The following SAXO4 variants were observed in gnomAD, a reference collection of about 807,000 sequenced individuals.
SAXO4 encodes stabilizer of axonemal microtubules 4.
chr11:61,486,657 G>A, the SAXO4 span: 1 of 1,565,154 alleles, frequency 6.4e-7, no homozygotes, highest in Non-Finnish European at 8.8e-7. Context: ...AGACAGGGAG[G>A]TTTCTGGGAA....
chr11:61,485,455 A>C, the SAXO4 span: 2 of 1,511,136 alleles, frequency 1.3e-6, no homozygotes, highest in Non-Finnish European at 1.8e-6. Context: ...CCACCTCCCT[A>C]CTTGCTACCC....
chr11:61,482,707 CT>C, the SAXO4 span: 3 of 1,614,068 alleles, frequency 1.9e-6, no homozygotes, highest in Admixed American at 3.3e-5. Context: ...CTACCGCCCC[CT>C]GGAGGTGCCT....
chr11:61,488,982 T>C, the SAXO4 span: 1 of 152,444 alleles, frequency 6.6e-6, no homozygotes, highest in African/African-American at 2.4e-5. Flanking sequence ...GAACTGAGAC[T>C]GAAAAGAGGG....
chr11:61,485,907 AC>A, the SAXO4 span: 36 of 1,611,806 alleles, frequency 2.2e-5, no homozygotes, highest in Admixed American at 5.0e-5. Context: ...CTCCCTGGGG[AC>A]CCTGTAAGTC....
At chr11:61,490,668 G>A in the SAXO4 span, 2 of 1,273,808 alleles carry the variant, frequency 1.6e-6, no homozygotes, top group East Asian at 2.3e-5. Context: ...CAAGCCCTGG[G>A]TTAAGCAAGT....
the SAXO4 span, chr11:61,490,423 G>T: frequency 1.5e-6 from 2 of 1,344,376 alleles, no homozygotes; most frequent in Admixed American, 1.7e-5. Flanking sequence ...CTCAGGGAGG[G>T]TCAGGCAGAA....
the SAXO4 span, chr11:61,482,910 GC>G: frequency 2.4e-6 from 3 of 1,258,540 alleles, no homozygotes; most frequent in Non-Finnish European, 3.2e-6. Context: ...AGGGCATGGA[GC>G]AGCCACCTTG....
At chr11:61,487,066 G>A in the SAXO4 span, 1 of 1,613,230 alleles carries the variant, frequency 6.2e-7, no homozygotes, top group Non-Finnish European at 8.5e-7. Context: ...AAAAAGGTGA[G>A]ACTTGCTACA....
the SAXO4 span, chr11:61,485,891 C>G: frequency 6.2e-7 from 1 of 1,613,836 alleles, no homozygotes; most frequent in South Asian, 1.1e-5. Flanking sequence ...ACCGCCCTCA[C>G]AGGCCCTCCC....
chr11:61,482,676 C>G, the SAXO4 span: 1 of 1,614,088 alleles, frequency 6.2e-7, no homozygotes, highest in Non-Finnish European at 8.5e-7. Flanking sequence ...AGGACCATTT[C>G]CAGTCTGTGG....
At chr11:61,482,527 G>T in the SAXO4 span, 1 of 1,559,558 alleles carries the variant, frequency 6.4e-7, no homozygotes, top group Non-Finnish European at 8.8e-7. Context: ...CCCTAGGCTG[G>T]GGGTCCTGGG....
chr11:61,489,838 T>C, the SAXO4 span: 5 of 1,613,932 alleles, frequency 3.1e-6, no homozygotes, highest in Non-Finnish European at 4.2e-6. Context: ...CGAGGTGGCA[T>C]CCAGCCCCAG....
At chr11:61,484,954 G>A in the SAXO4 span, 1 of 1,095,802 alleles carries the variant, frequency 9.1e-7, no homozygotes, top group Non-Finnish European at 1.3e-6. Flanking sequence ...CAAGAAAGAT[G>A]GGAGAGCAAA....
the SAXO4 span, chr11:61,486,282 G>A: frequency 6.3e-7 from 1 of 1,575,052 alleles, no homozygotes; most frequent in African/African-American, 1.4e-5. Context: ...AGAGTGGGTG[G>A]GAGCCACCAG....
At chr11:61,481,232 C>T in the SAXO4 span, 6,764 of 152,510 alleles carry the variant, frequency 0.044, 523 homozygotes, top group African/African-American at 0.15. Context: ...GGTGGGGCCG[C>T]TGTGGTTGGG....
chr11:61,483,086 A>C, the SAXO4 span, among the ~76,000 whole-genome samples: 1 of 149,126 alleles, frequency 6.7e-6, no homozygotes, highest in East Asian at 2.0e-4. Context: ...CCACACCTGC[A>C]AGCCCCATCA....
At chr11:61,490,851 C>CCCCTAGGA in the SAXO4 span, 1 of 530,934 alleles carries the variant, frequency 1.9e-6, no homozygotes, top group Non-Finnish European at 3.4e-6. Flanking sequence ...AGGCTACTGT[C>CCCCTAGGA]TGTACCCCCA....
At chr11:61,482,934 C>A in the SAXO4 span, 1 of 979,924 alleles carries the variant, frequency 1.0e-6, no homozygotes, top group Non-Finnish European at 1.4e-6. Context: ...GGGATGGGGT[C>A]CACTCATCTT....
the SAXO4 span, chr11:61,487,162 G>T: frequency 6.2e-7 from 1 of 1,614,018 alleles, no homozygotes; most frequent in Non-Finnish European, 8.5e-7. Flanking sequence ...ACAGGGTTCA[G>T]CCTTAACAAC....
Sources: gnomAD v4.1 joint callset for allele counts (sites outside exome capture counted in the v4.1 genomes callset) on GRCh38, gnomAD v4.1.1 for gene constraint, MANE v1.5 for transcripts, NCBI Gene and HGNC (gene_info 2026-07-23, HGNC 2026-07-21) for gene names.